Variants in KDM4A observed in about 807,000 individuals in gnomAD.
KDM4A encodes lysine-specific demethylase 4A.
In KDM4A, 23 loss-of-function variants were observed where a neutral mutation model predicts 127.1. The observed-to-expected ratio is 0.18, with a 90% confidence interval of 0.13 to 0.26. KDM4A has a LOEUF of 0.26. Among genes scored for constraint, KDM4A ranks in the 10% least tolerant of loss-of-function variants. The pLI is 1.00. For synonymous variants in KDM4A, 443 were observed against 466.5 expected, an observed-to-expected ratio of 0.95 and a Z score of 0.65; for missense variants, 890 against 1,329.1, an observed-to-expected ratio of 0.67 and a Z score of 5.14.
intron 14 of KDM4A, 43 bp from the exon 15 acceptor site, chr1:43,691,453 C>G: frequency 6.6e-7 from 1 of 1,511,588 alleles, no homozygotes; most frequent in Non-Finnish European, 9.2e-7. Context: ...CCTTTTGACT[C>G]TGACCACTGG....
In KDM4A at chr1:43,676,437, C is replaced by T. The variant is rs148308171; in HGVS notation, c.1734+4562C>T. Among the ~76,000 whole-genome samples, 902 of 152,278 alleles carry T rather than the reference C, an allele frequency of 5.9e-3. 9 individuals are homozygous for T. Among genetic ancestry groups the T allele is most frequent in the African/African-American group, 0.021 (863 of 41,556 alleles). ...CCTGGCTTTAAGCAATTCTTTGCCT[C>T]AGCCTCCTGAGTAGCTGGGATTACA... On this transcript the variant is annotated intron_variant, in intron 11 of 21. Coordinates refer to ENST00000372396, the MANE Select transcript of KDM4A (RefSeq NM_014663.3).
rs1027313192 is a variant in KDM4A, at chr1:43,704,372, T to A, written c.*2T>A. ...CTATACCGGGCCATCATGGAGTAGG[T>A]GCTTCCAGGGTCCAAGGGATTCTCA... On this transcript the variant is annotated 3_prime_UTR_variant, in exon 22 of 22. Transcript: ENST00000372396. The A allele has an allele frequency of 6.2e-7, 1 of 1,612,942 alleles. No individual in the cohort carries two copies.
chr1:43,658,256 G>T (rs1660294092), intron 3 of KDM4A, among the ~76,000 whole-genome samples: 1 of 151,920 alleles, frequency 6.6e-6, no homozygotes, highest in Non-Finnish European at 1.5e-5. Flanking sequence ...ATTTTTAGTA[G>T]AGACGGGGTT....
intron 2 of KDM4A, among the ~76,000 whole-genome samples, chr1:43,654,953 C>T (rs953181775): frequency 5.3e-5 from 8 of 151,866 alleles, no homozygotes; most frequent in Admixed American, 4.6e-4. Flanking sequence ...CGGGTTCAAG[C>T]GATTCTCCTG....
At chr1:43,672,078 C>G (rs1024124904) in intron 11 of KDM4A, among the ~76,000 whole-genome samples, 7 of 152,176 alleles carry the variant, frequency 4.6e-5, no homozygotes, top group African/African-American at 1.7e-4. Context: ...CCAGCTTGTT[C>G]TTTGCTGGGA....
intron 6 of KDM4A, 152 bp downstream of exon 6, chr1:43,665,897 G>A (rs1358231524): frequency 1.4e-6 from 1 of 716,524 alleles, no homozygotes; most frequent in Non-Finnish European, 2.4e-6. Context: ...CCTTAAGAGG[G>A]CAGTGACGGA....
chr1:43,657,624 C>T (rs941216952), intron 3 of KDM4A, among the ~76,000 whole-genome samples: 4 of 152,134 alleles, frequency 2.6e-5, no homozygotes, highest in African/African-American at 9.7e-5. Context: ...TCCTGCCATC[C>T]TTATTGTCTG....
In KDM4A at chr1:43,685,490, C is replaced by T. The variant is rs1022097753; in HGVS notation, c.1855+1686C>T. ...TTCAGTAGAAAGATCATGGTATAGC[C>T]GGGCGTGGTGGCTCACACCTGTAAT... On this transcript the variant is annotated intron_variant, in intron 12 of 21. Transcript: ENST00000372396. 6.6e-5 allele frequency among the ~76,000 whole-genome samples: 10 copies of T among 151,882 alleles called. No individual in the cohort carries two copies. The East Asian group carries it at 1.2e-3, about 18-fold the overall frequency.
At chr1:43,668,831 A>C (rs936544749) in intron 9 of KDM4A, among the ~76,000 whole-genome samples, 5 of 152,176 alleles carry the variant, frequency 3.3e-5, no homozygotes, top group African/African-American at 1.2e-4. Flanking sequence ...TATGCCAGGC[A>C]CTTTGCCAGC....
In KDM4A at chr1:43,697,477, C is replaced by T. The variant is rs138948242; in HGVS notation, c.2671-366C>T. 4.4e-3 allele frequency among the ~76,000 whole-genome samples: 677 copies of T among 152,322 alleles called. 8 individuals carry two copies. Among genetic ancestry groups the T allele is most frequent in the African/African-American group, 0.016 (654 of 41,578 alleles). ...CAGCTTTGCCTGGCGGCCCAGGCCT[C>T]AGGGCACCTATTGAGTCTCTCCTTC... is the stretch of plus-strand genomic sequence containing the variant. On this transcript the variant is annotated intron_variant, in intron 18 of 21. Transcript: ENST00000372396.
chr1:43,694,564 C>T lies in KDM4A; in HGVS notation c.2485-145C>T. On this transcript the variant is annotated intron_variant, in intron 17 of 21. Transcript: ENST00000372396. The surrounding 1 kb of genome is among the most constrained non-coding windows in gnomAD (Gnocchi z 5.2). ...CTTGGCAGATAAAGTTGTAACCAGA[C>T]CTGGATTAGAGCAGGCTGGTGTGTC... 1 of 627,662 alleles carries T rather than the reference C, an allele frequency of 1.6e-6. No homozygotes were observed. Among genetic ancestry groups the T allele is most frequent in the Non-Finnish European group, 2.7e-6 (1 of 369,444 alleles). The allele number at this position is 627,662 out of a possible 1,614,324, so 38.9% of individuals were successfully genotyped here.
intron 2 of KDM4A, among the ~76,000 whole-genome samples, chr1:43,654,590 G>T (rs1660193174): frequency 6.6e-6 from 1 of 150,392 alleles, no homozygotes. Flanking sequence ...TGGGTAATTT[G>T]ATTATGTGAG....
chr1:43,680,703 G>A (rs1175944991), intron 11 of KDM4A, among the ~76,000 whole-genome samples: 1 of 152,230 alleles, frequency 6.6e-6, no homozygotes, highest in Non-Finnish European at 1.5e-5. Flanking sequence ...ATTGTCAAAG[G>A]CAGCGGCATC....
In KDM4A at chr1:43,668,026, C is replaced by A; in HGVS notation, c.1163+7C>A. The stretch of plus-strand genomic sequence containing the variant: ...AAGGAGACCTGAAGACAAGGTAACC[C>A]AGCAGCCCTTTTGTCCTGGCTGCGT... On this transcript the variant is annotated splice_region_variant and intron_variant, in intron 9 of 21. Transcript: ENST00000372396. 1 of 1,613,578 alleles carries A rather than the reference C, an allele frequency of 6.2e-7. No individual in the cohort carries two copies. The highest frequency in any genetic ancestry group is 2.2e-5 in the East Asian group (1 of 44,882).
intron 10 of KDM4A, among the ~76,000 whole-genome samples, chr1:43,671,159 G>C (rs1475048648): frequency 6.6e-6 from 1 of 152,226 alleles, no homozygotes; most frequent in Non-Finnish European, 1.5e-5. Context: ...CATGGGCTAG[G>C]TAGCCAGGTC....
intron 19 of KDM4A, 33 bp downstream of exon 19, chr1:43,698,046 G>A (rs751439757): frequency 6.3e-7 from 1 of 1,599,624 alleles, no homozygotes; most frequent in South Asian, 1.1e-5. Context: ...CAGGCAGTTT[G>A]GAATGGGGGG....
intron 19 of KDM4A, 130 bp from the exon 20 acceptor site, chr1:43,703,487 C>T (rs1661460741): frequency 8.9e-7 from 1 of 1,120,960 alleles, no homozygotes; most frequent in Admixed American, 2.3e-5. Flanking sequence ...TAACATTTTT[C>T]AGCCCAGAGA....
chr1:43,680,720 A>G (rs1052456799), intron 11 of KDM4A, among the ~76,000 whole-genome samples: 1 of 152,234 alleles, frequency 6.6e-6, no homozygotes, highest in African/African-American at 2.4e-5. Context: ...CATCCAGCCA[A>G]GTGTCTCTGG....
Position 43,683,685 on chromosome 1 carries a change from T to C in KDM4A, c.1736T>C (p.Val579Ala). 3 of 1,612,968 alleles carry C rather than the reference T, an allele frequency of 1.9e-6. No individual in the cohort carries two copies. The highest frequency in any genetic ancestry group is 2.5e-6 in the Non-Finnish European group (3 of 1,179,432). ...RSFSERELAEVADEYMFSLEE... is the reference protein window; with the variant it reads ...RSFSERELAEAADEYMFSLEE... Reference sequence around the variant, plus strand: ...TTTAATTTCTTGTGGTTTGCCCAGGTTGCAGATGAATACATGTTTTCCCTA... The same window carrying C: ...TTTAATTTCTTGTGGTTTGCCCAGGCTGCAGATGAATACATGTTTTCCCTA... Residue 579 changes from valine to alanine, a missense_variant and splice_region_variant, in exon 12 of 22, where the codon GTT (valine) becomes GCT (alanine). Coordinates refer to ENST00000372396, the MANE Select transcript of KDM4A (RefSeq NM_014663.3).
Sources: allele counts gnomAD v4.1 joint callset (sites outside exome capture counted in the v4.1 genomes callset), GRCh38; gene constraint gnomAD v4.1.1; non-coding constraint Gnocchi (gnomAD v3.1); transcripts MANE v1.5; gene names NCBI Gene and HGNC (gene_info 2026-07-23, HGNC 2026-07-21).